SOX5: variants seen among roughly 807,000 people sequenced by gnomAD.
SOX5 encodes SRY-box transcription factor 5.
Under a neutral mutation model 92.0 loss-of-function variants are expected in SOX5, and 9 were observed. The ratio of observed to expected loss-of-function variants is 0.10; its 90% CI spans 0.06 to 0.17. The LOEUF (loss-of-function observed/expected upper bound fraction) is 0.17, where lower values mean the gene tolerates loss of function less well. Ranked by LOEUF, SOX5 falls within the 10% of genes least tolerant of loss-of-function variation. The pLI is 1.00. For missense variants in SOX5, 642 were observed against 944.5 expected, an observed-to-expected ratio of 0.68 and a Z score of 4.20; for synonymous variants, 344 against 336.3, an observed-to-expected ratio of 1.02 and a Z score of -0.25.
upstream of SOX5, among the ~76,000 whole-genome samples, chr12:23,952,456 T>C (rs1945779369): frequency 6.6e-6 from 1 of 152,212 alleles, no homozygotes; most frequent in Admixed American, 6.5e-5. Context: ...TATTAGAATC[T>C]TCCTTATATT....
intron 2 of SOX5, among the ~76,000 whole-genome samples, chr12:24,282,419 A>T (rs1169962612): frequency 5.9e-5 from 9 of 151,728 alleles, no homozygotes; most frequent in African/African-American, 1.9e-4. Context: ...TTCATCAGAA[A>T]AAAAGAAATA....
chr12:23,574,219 A>G (rs867585285), intron 10 of SOX5, among the ~76,000 whole-genome samples: 1 of 151,954 alleles, frequency 6.6e-6, no homozygotes, highest in Non-Finnish European at 1.5e-5. Flanking sequence ...TGGTGGACTT[A>G]TTTGCTCTCC....
chr12:24,233,502 T>C (rs1228240331), intron 3 of SOX5, among the ~76,000 whole-genome samples: 1 of 152,124 alleles, frequency 6.6e-6, no homozygotes, highest in Non-Finnish European at 1.5e-5. Context: ...TGTGAAAATG[T>C]GGAAAAGGGA....
At chr12:24,132,193 T>TTGTCTG (rs1771799326) in intron 4 of SOX5, among the ~76,000 whole-genome samples, 1 of 152,090 alleles carries the variant, frequency 6.6e-6, no homozygotes, top group Non-Finnish European at 1.5e-5. Flanking sequence ...ACAGAAACGA[T>TTGTCTG]AGATAATCAG....
intron 10 of SOX5, 152 bp downstream of exon 10, chr12:23,575,509 A>T (rs1400099287): frequency 1.6e-6 from 1 of 625,026 alleles, no homozygotes; most frequent in Non-Finnish European, 2.8e-6. Context: ...TTTCATTTAC[A>T]TGTTTAAAAC....
intron 2 of SOX5, among the ~76,000 whole-genome samples, chr12:24,325,017 T>C (rs1950547427): frequency 6.6e-6 from 1 of 152,144 alleles, no homozygotes; most frequent in South Asian, 2.1e-4. Flanking sequence ...AACCAAACAG[T>C]TGAATTTGGA....
intron 4 of SOX5, among the ~76,000 whole-genome samples, chr12:24,034,044 G>A (rs1467779375): frequency 1.3e-5 from 2 of 151,920 alleles, no homozygotes; most frequent in African/African-American, 4.8e-5. Flanking sequence ...ACCAAATTTA[G>A]GACTATCAGT....
intron 2 of SOX5, among the ~76,000 whole-genome samples, chr12:24,337,840 G>A (rs1952080594): frequency 6.6e-6 from 1 of 152,114 alleles, no homozygotes; most frequent in Non-Finnish European, 1.5e-5. Flanking sequence ...CTATAAGTAG[G>A]TCACACAATA....
chr12:23,617,623 T>C (rs1214450716), intron 8 of SOX5, among the ~76,000 whole-genome samples: 1 of 152,132 alleles, frequency 6.6e-6, no homozygotes, highest in Non-Finnish European at 1.5e-5. Flanking sequence ...TAAAGATACA[T>C]TTGAACTTAC....
chr12:24,550,008 T>C (rs1953000333), intron 1 of SOX5, among the ~76,000 whole-genome samples: 1 of 152,176 alleles, frequency 6.6e-6, no homozygotes, highest in Non-Finnish European at 1.5e-5. Flanking sequence ...AATATATTTT[T>C]CTATGTTACA....
intron 6 of SOX5, among the ~76,000 whole-genome samples, chr12:23,699,152 A>G (rs1340294985): frequency 1.3e-5 from 2 of 152,184 alleles, no homozygotes; most frequent in African/African-American, 4.8e-5. Flanking sequence ...CTGAAAAGCT[A>G]TTCTTTCCAG....
intron 1 of SOX5, among the ~76,000 whole-genome samples, chr12:23,934,322 CA>C (rs1017564723): frequency 2.7e-5 from 4 of 150,906 alleles, no homozygotes; most frequent in African/African-American, 9.7e-5. Context: ...TCTCTTCCCC[CA>C]TTTCACTTTA....
At chr12:23,691,820 C>G (rs1254375751) in intron 6 of SOX5, among the ~76,000 whole-genome samples, 1 of 152,076 alleles carries the variant, frequency 6.6e-6, no homozygotes, top group Non-Finnish European at 1.5e-5. Context: ...TCCTTTGGCT[C>G]CAATAAGCTT....
rs532433515 is a variant in SOX5, at chr12:24,343,941, C to T, written c.-174+24622G>A. ...AGTACTACTTTATAACTTTGGATGA[C>T]TTAAGAATGTAGGGACTTGAGAATA... On this transcript the variant is annotated intron_variant, in intron 2 of 4. Transcript: ENST00000446891. Among the ~76,000 whole-genome samples the T allele has an allele frequency of 2.6e-5, 4 of 152,154 alleles. No individual in the cohort carries two copies. In the East Asian group the frequency reaches 7.7e-4, roughly 29 times the overall value.
intron 1 of SOX5, among the ~76,000 whole-genome samples, chr12:24,540,949 A>G (rs907924483): frequency 5.9e-5 from 9 of 152,194 alleles, no homozygotes; most frequent in Admixed American, 3.9e-4. Flanking sequence ...ATTGCAAAAT[A>G]TCATATATAA....
At chr12:23,750,438 A>G (rs533002123) in intron 4 of SOX5, among the ~76,000 whole-genome samples, 2 of 152,040 alleles carry the variant, frequency 1.3e-5, no homozygotes, top group Non-Finnish European at 2.9e-5. Flanking sequence ...ATCAGTCCAC[A>G]TAACATCAAA....
upstream of SOX5, among the ~76,000 whole-genome samples, chr12:23,950,273 C>T (rs548509533): frequency 6.6e-6 from 1 of 152,098 alleles, no homozygotes; most frequent in African/African-American, 2.4e-5. Flanking sequence ...CACACACACA[C>T]ACACACACTC....
At position 23,714,443 on chromosome 12, in the gene SOX5, G is replaced by C. The variant is rs192596733; in HGVS notation, c.810+20241C>G. 2.0e-3 allele frequency among the ~76,000 whole-genome samples: 310 copies of C among 152,222 alleles called. 1 individual carries two copies. The highest frequency in any genetic ancestry group is 4.0e-3 in the Admixed American group (61 of 15,294). On this transcript the variant is annotated intron_variant, in intron 6 of 14. Coordinates refer to ENST00000451604, the MANE Select transcript of SOX5 (RefSeq NM_006940.6). ...TTAAGACCAGCGTGGCCAACATGGC[G>C]AAACCCTGTCTCTATTAAAAATACA...
chr12:23,696,791 T>C (rs1277845946), intron 6 of SOX5, among the ~76,000 whole-genome samples: 1 of 152,308 alleles, frequency 6.6e-6, no homozygotes, highest in African/African-American at 2.4e-5. Context: ...TGTTACGTTG[T>C]CAATTTTCAT....
Sources: allele counts gnomAD v4.1 joint callset (sites outside exome capture counted in the v4.1 genomes callset), GRCh38; gene constraint gnomAD v4.1.1; transcripts MANE v1.5; gene names NCBI Gene and HGNC (gene_info 2026-07-23, HGNC 2026-07-21).